SALL4: variants seen among roughly 807,000 people sequenced by gnomAD.
The protein encoded by SALL4 is spalt like transcription factor 4, also known as sal-like protein 4.
Under a neutral mutation model 60.8 loss-of-function variants are expected in SALL4, and 4 were observed. The observed-to-expected ratio is 0.07, with a 90% CI of 0.03 to 0.15. The LOEUF (loss-of-function observed/expected upper bound fraction) is 0.15. Ranked by LOEUF, SALL4 falls within the 10% of genes least tolerant of loss-of-function variation. The pLI, the probability that SALL4 is intolerant of heterozygous loss-of-function variation, is 1.00. For synonymous variants in SALL4, 580 were observed against 574.9 expected (o/e 1.01, Z -0.13); for missense variants, 1,178 against 1,394.7 (o/e 0.84, Z 2.48).
intron 1 of SALL4, among the ~76,000 whole-genome samples, chr20:51,793,725 A>G (rs6021439): frequency 0.52 from 79,284 of 152,160 alleles, 22,154 homozygotes; most frequent in African/African-American, 0.74. Context: ...CACCGTGCCC[A>G]GCCAAAGCCA....
Position 51,783,721 on chromosome 20 carries a change from T to C in SALL4, c.*544A>G, listed in dbSNP as rs2077969193. The C allele has an allele frequency of 6.7e-6, 1 of 149,446 alleles. No homozygotes were observed. The highest frequency in any genetic ancestry group is 1.4e-5 in the Non-Finnish European group (1 of 69,746). The allele number at this position is 149,446 out of a possible 1,614,324, so 9.3% of individuals were successfully genotyped here. ...TTGCAAGACCCGCTTCTTTCCAAAA[T>C]TAGAAAAAAAAAAAAAAAGTGCCAG... is the stretch of plus-strand genomic sequence containing the variant. On this transcript the variant is annotated 3_prime_UTR_variant, in exon 4 of 4. Coordinates refer to ENST00000217086, the MANE Select transcript of SALL4 (RefSeq NM_020436.5).
chr20:51,798,181 C>T (rs894832278), intron 1 of SALL4, among the ~76,000 whole-genome samples: 9 of 152,166 alleles, frequency 5.9e-5, no homozygotes, highest in Admixed American at 2.0e-4. Context: ...TTTAAGTTTC[C>T]ACCTAATTAA....
rs548712264 is a variant in SALL4 at position 51,798,164 on chromosome 20, A to G, written c.130+4115T>C. ...CTTCAACTCAATTCATAGAAGGCAG[A>G]TAAGACTTTAAGTTTCCACCTAATT... On this transcript the variant is annotated intron_variant, in intron 1 of 3. Transcript: ENST00000217086. Among the ~76,000 whole-genome samples the G allele has an allele frequency of 2.1e-3, 323 of 152,382 alleles. 2 individuals are homozygous for G. The highest frequency in any genetic ancestry group is 3.7e-3 in the Non-Finnish European group (251 of 68,046).
At chr20:51,797,185 G>C (rs60585075) in intron 1 of SALL4, among the ~76,000 whole-genome samples, 6,582 of 151,240 alleles carry the variant, frequency 0.044, 502 homozygotes, top group African/African-American at 0.15. Context: ...GTTATGACTT[G>C]GAAATTCTTG....
Position 51,790,534 on chromosome 20 carries a change from C to T in SALL4, c.1949G>A (p.Gly650Asp), listed in dbSNP as rs1356643683. The change falls in exon 2 of 4, where the codon GGC becomes GAC. Residue 650 changes from glycine (G) to aspartate (D), a missense_variant. Gly to Asp is a moderately conservative substitution (Grantham distance 94). This residue lies in a region of SALL4 where 853 missense variants were observed against 1,036.8 expected (regional missense o/e 0.82). Transcript: ENST00000217086. This position sits in a 1 kb window ranked among gnomAD's most constrained non-coding sequence, Gnocchi z 5.5. ...MLQQHIRMHM[G>D]GQIPNTPLPE... The stretch of plus-strand genomic sequence containing the variant: ...CAGGGGCGTGTTGGGAATCTGACCG[C>T]CCATGTGCATCCGAATATGTTGCTG... The T allele has an allele frequency of 4.3e-6, 7 of 1,614,128 alleles. 1 individual carries two copies. The South Asian group carries it at 7.7e-5, about 18-fold the overall frequency.
chr20:51,790,037 G>T lies in SALL4; in HGVS notation c.2446C>A (p.Arg816Ser). The T allele has an allele frequency of 1.2e-6, 2 of 1,614,144 alleles. No individual in the cohort carries two copies. Among genetic ancestry groups the T allele is most frequent in the Non-Finnish European group, 1.7e-6 (2 of 1,180,036 alleles). ...GSKAESSENS[R>S]TEMEGRSSLP... is the part of the protein sequence containing the mutation. ...GCTCTATCACCTTCCATCTCAGTGC[G>T]GCTGTTCTCGGAGCTCTCTGCTTTG... is the stretch of plus-strand genomic sequence containing the variant. Residue 816 changes from arginine to serine, a missense_variant, in exon 2 of 4, where the codon CGC (arginine) becomes AGC (serine). Arg to Ser is a moderately radical substitution (Grantham distance 110). Around this residue, in one of 5 missense-constraint regions of SALL4, gnomAD observed 853 missense variants for 1,036.8 expected, o/e 0.82. Transcript: ENST00000217086. This position sits in a 1 kb window ranked among gnomAD's most constrained non-coding sequence, Gnocchi z 5.5.
chr20:51,784,534 C>T lies in SALL4; in HGVS notation c.2893G>A (p.Asp965Asn), dbSNP rs755598681. 1 of 1,614,160 alleles carries T rather than the reference C, an allele frequency of 6.2e-7. No individual in the cohort carries two copies. The highest frequency in any genetic ancestry group is 8.5e-7 in the Non-Finnish European group (1 of 1,180,036). ...GTGTACTGGTTCCACACAACAGGGT[C>T]CACATTCACTGAAGGGGCCAGGATT... ...KEILAPSVNV[D>N]PVVWNQYTSM... Residue 965 changes from aspartate (D) to asparagine (N), a missense_variant, in exon 4 of 4, where the codon GAC becomes AAC. Around this residue, in one of 5 missense-constraint regions of SALL4, gnomAD observed 174 missense variants for 169.6 expected, o/e 1.03. Coordinates refer to ENST00000217086, the MANE Select transcript of SALL4 (RefSeq NM_020436.5).
At chr20:51,794,467 C>A (rs977028022) in intron 1 of SALL4, among the ~76,000 whole-genome samples, 1 of 152,128 alleles carries the variant, frequency 6.6e-6, no homozygotes, top group African/African-American at 2.4e-5. Flanking sequence ...AGGAGAATCA[C>A]TTGAACCCAG....
rs1289054545 is a variant in SALL4 at position 51,788,796 on chromosome 20, C to A, written c.2742+65G>T. 1.3e-6 allele frequency: 2 copies of A among 1,598,022 alleles called. No homozygotes were observed. Among genetic ancestry groups the A allele is most frequent in the Non-Finnish European group, 1.7e-6 (2 of 1,172,382 alleles). Reference sequence around the variant, plus strand: ...GGAAGGATGGAAGAACTCATCACGGCTTGTGCCAATAAGAAGACACCTGGT... The same window carrying A: ...GGAAGGATGGAAGAACTCATCACGGATTGTGCCAATAAGAAGACACCTGGT... On this transcript the variant is annotated intron_variant, in intron 3 of 3. Coordinates refer to ENST00000217086, the MANE Select transcript of SALL4 (RefSeq NM_020436.5). This position sits in a 1 kb window ranked among gnomAD's most constrained non-coding sequence, Gnocchi z 4.1.
At position 51,790,780 on chromosome 20, in the gene SALL4, C is replaced by T; in HGVS notation, c.1703G>A (p.Cys568Tyr). ...GCTTAAGACTCGGTGGCAAATGAGA[C>T]ATTCGTTGGGATCAGTGGTGGCCTT... ...IDKATTDPNE[C>Y]LICHRVLSCQ... is the part of the protein sequence containing the mutation. The change falls in exon 2 of 4, where the codon TGT becomes TAT. Residue 568 changes from cysteine (C) to tyrosine (Y), a missense_variant. By Grantham distance (194) the Cys-to-Tyr change is radical. Around this residue, in one of 5 missense-constraint regions of SALL4, gnomAD observed 853 missense variants for 1,036.8 expected, o/e 0.82. Transcript: ENST00000217086. This position sits in a 1 kb window ranked among gnomAD's most constrained non-coding sequence, Gnocchi z 5.5. 3.1e-6 allele frequency: 5 copies of T among 1,614,118 alleles called. No homozygotes were observed. The highest frequency in any genetic ancestry group is 1.7e-5 in the Admixed American group (1 of 60,022).
chr20:51,802,144 C>G (rs920473511), intron 1 of SALL4, 135 bp downstream of exon 1: 26 of 1,060,552 alleles, frequency 2.5e-5, no homozygotes, highest in Non-Finnish European at 3.3e-5. Flanking sequence ...CCTCTCCTCC[C>G]GGGCACTGAG....
In SALL4 at chr20:51,791,837, C is replaced by G. The variant is rs45621331; in HGVS notation, c.646G>C (p.Glu216Gln). Residue 216 changes from glutamate (E) to glutamine (Q), a missense_variant, in exon 2 of 4, where the codon GAG becomes CAG. Physicochemically the swap from Glu to Gln is conservative, Grantham distance 29. Coordinates refer to ENST00000217086, the MANE Select transcript of SALL4 (RefSeq NM_020436.5). The surrounding 1 kb of genome is among the most constrained non-coding windows in gnomAD (Gnocchi z 4.6). ...PGANSIPWVL[E>Q]QILCLQQQQL... The stretch of plus-strand genomic sequence containing the variant: ...TGCTGCTGCAGACACAAGATCTGCT[C>G]GAGGACCCACGGGATGCTGTTGGCA... 2 of 1,614,110 alleles carry G rather than the reference C, an allele frequency of 1.2e-6. No homozygotes were observed. Among genetic ancestry groups the G allele is most frequent in the Non-Finnish European group, 1.7e-6 (2 of 1,180,030 alleles).
Position 51,790,790 on chromosome 20 carries a change from G to T in SALL4, c.1693C>A (p.Pro565Thr). 6.2e-7 allele frequency: 1 copy of T among 1,614,122 alleles called. No individual in the cohort carries two copies. Among genetic ancestry groups the T allele is most frequent in the Non-Finnish European group, 8.5e-7 (1 of 1,180,040 alleles). The change falls in exon 2 of 4, where the codon CCC becomes ACC. Residue 565 changes from proline to threonine, a missense_variant. Pro to Thr is a conservative substitution (Grantham distance 38). This residue lies in a region of SALL4 where 853 missense variants were observed against 1,036.8 expected (regional missense o/e 0.82). Transcript: ENST00000217086. This position sits in a 1 kb window ranked among gnomAD's most constrained non-coding sequence, Gnocchi z 5.5. ...VENIDKATTDPNECLICHRVL... is the reference protein window; with the variant it reads ...VENIDKATTDTNECLICHRVL... ...CGGTGGCAAATGAGACATTCGTTGGGATCAGTGGTGGCCTTGTCAATGTTC... is the reference window on the plus strand; with the variant it reads ...CGGTGGCAAATGAGACATTCGTTGGTATCAGTGGTGGCCTTGTCAATGTTC...
chr20:51,794,048 C>G (rs1382796552), intron 1 of SALL4, among the ~76,000 whole-genome samples: 1 of 152,194 alleles, frequency 6.6e-6, no homozygotes, highest in East Asian at 1.9e-4. Context: ...ATGACAACCT[C>G]GTGATTAGAT....
At chr20:51,797,119 CT>C (rs958453490) in intron 1 of SALL4, among the ~76,000 whole-genome samples, 2 of 151,814 alleles carry the variant, frequency 1.3e-5, no homozygotes, top group African/African-American at 4.8e-5. Flanking sequence ...ATTAATAGAA[CT>C]TGTGACTTTG....
chr20:51,790,752 A>G lies in SALL4; in HGVS notation c.1731T>C (p.Cys577=). The change falls in exon 2 of 4, where the codon TGT becomes TGC. Residue 577 remains cysteine, a synonymous_variant. Coordinates refer to ENST00000217086, the MANE Select transcript of SALL4 (RefSeq NM_020436.5). The surrounding 1 kb of genome is among the most constrained non-coding windows in gnomAD (Gnocchi z 5.5). ...ECLICHRVLS[C]QSSLKMHYRT... Reference sequence around the variant, plus strand: ...GATAATGCATCTTGAGGGAGCTCTGACAGCTTAAGACTCGGTGGCAAATGA... The same window carrying G: ...GATAATGCATCTTGAGGGAGCTCTGGCAGCTTAAGACTCGGTGGCAAATGA... 6.2e-7 allele frequency: 1 copy of G among 1,614,096 alleles called. No individual in the cohort carries two copies. Among genetic ancestry groups the G allele is most frequent in the Non-Finnish European group, 8.5e-7 (1 of 1,180,024 alleles).
Position 51,788,710 on chromosome 20 carries a change from A to G in SALL4, c.2742+151T>C. 1.1e-6 allele frequency: 1 copy of G among 946,668 alleles called. No individual in the cohort carries two copies. Among genetic ancestry groups the G allele is most frequent in the Non-Finnish European group, 1.6e-6 (1 of 619,534 alleles). The allele number at this position is 946,668 out of a possible 1,614,324, so 58.6% of individuals were successfully genotyped here. ...GAGACTCCGTCTCAAAAATAAATAA[A>G]TAAATAAACAAACTCCTGGACTCAA... On this transcript the variant is annotated intron_variant, in intron 3 of 3. Coordinates refer to ENST00000217086, the MANE Select transcript of SALL4 (RefSeq NM_020436.5). The surrounding 1 kb of genome is among the most constrained non-coding windows in gnomAD (Gnocchi z 4.1).
intron 1 of SALL4, among the ~76,000 whole-genome samples, chr20:51,800,333 G>A (rs900655274): frequency 6.6e-6 from 1 of 152,206 alleles, no homozygotes; most frequent in Non-Finnish European, 1.5e-5. Flanking sequence ...TGGGCCTCCA[G>A]GGGGCGCCCG....
rs115162315 is a variant in SALL4, at chr20:51,801,046, G to A, written c.130+1233C>T. 6.5e-3 allele frequency among the ~76,000 whole-genome samples: 993 copies of A among 152,046 alleles called. 12 individuals carry two copies. The highest frequency in any genetic ancestry group is 0.023 in the African/African-American group (942 of 41,484). ...TCCTCCGGGGTTGCCGCGCACACCC[G>A]TCTGCTGCAGGGAAATTAGAAAGCA... On this transcript the variant is annotated intron_variant, in intron 1 of 3. Transcript: ENST00000217086. This position sits in a 1 kb window ranked among gnomAD's most constrained non-coding sequence, Gnocchi z 5.2.
Sources: gnomAD v4.1 joint callset for allele counts (sites outside exome capture counted in the v4.1 genomes callset) on GRCh38, gnomAD v4.1.1 for gene constraint, gnomAD v4.1.1 regional missense constraint, Gnocchi (gnomAD v3.1) non-coding constraint, MANE v1.5 for transcripts, NCBI Gene and HGNC (gene_info 2026-07-23, HGNC 2026-07-21) for gene names.